Variants in GGTA1 observed in about 807,000 individuals in gnomAD.
GGTA1 encodes the protein glycoprotein alpha-galactosyltransferase 1 (inactive).
A neutral mutation model predicts 2.6 loss-of-function variants in GGTA1; 5 were observed. The observed-to-expected ratio is 1.92, with a 90% CI of 1.00 to 4.04. GGTA1 has a LOEUF of 4.04. Ranked by LOEUF, GGTA1 falls within the 30% of genes most tolerant of loss-of-function variation. GGTA1 has a pLI of 0.00. For synonymous variants in GGTA1, 17 were observed against 5.0 expected (o/e 3.38, Z -3.19); for missense variants, 50 against 16.7 (o/e 2.99, Z -3.47).
At chr9:121,493,971 G>T (rs1828933783) in intron 1 of GGTA1, among the ~76,000 whole-genome samples, 1 of 151,918 alleles carries the variant, frequency 6.6e-6, no homozygotes, top group Non-Finnish European at 1.5e-5. Context: ...TGACTAGGCT[G>T]GTCTCGAACT....
intron 1 of GGTA1, among the ~76,000 whole-genome samples, chr9:121,491,100 C>A (rs1247253000): frequency 6.8e-6 from 1 of 147,326 alleles, no homozygotes; most frequent in African/African-American, 2.7e-5. Flanking sequence ...AATCTATAAG[C>A]AGCCAGAGAT....
chr9:121,477,974 T>C (rs1828551567), intron 1 of GGTA1, among the ~76,000 whole-genome samples: 1 of 151,446 alleles, frequency 6.6e-6, no homozygotes. Flanking sequence ...GGCCAGACCC[T>C]GGGCTAAACC....
At chr9:121,474,785 A>G (rs567486221) in intron 1 of GGTA1, among the ~76,000 whole-genome samples, 1 of 152,262 alleles carries the variant, frequency 6.6e-6, no homozygotes, top group African/African-American at 2.4e-5. Flanking sequence ...CTCAGAGAGC[A>G]GGAATCCGGC....
intron 3 of GGTA1, among the ~76,000 whole-genome samples, chr9:121,461,635 G>A (rs1370592913): frequency 6.6e-6 from 1 of 152,118 alleles, no homozygotes; most frequent in African/African-American, 2.4e-5. Flanking sequence ...CCACTTACTA[G>A]CTGTGTGACT....
chr9:121,473,507 CA>C (rs148084673), intron 1 of GGTA1, among the ~76,000 whole-genome samples: 4 of 151,910 alleles, frequency 2.6e-5, no homozygotes, highest in African/African-American at 9.7e-5. Context: ...TCTCTCTGGA[CA>C]AAAAAATGAG....
At chr9:121,454,298 G>A (rs1415642919), downstream of GGTA1, among the ~76,000 whole-genome samples, 2 of 152,180 alleles carry the variant, frequency 1.3e-5, no homozygotes, top group African/African-American at 4.8e-5. Flanking sequence ...TTTAGTCTCT[G>A]CAACAGCCCT....
At chr9:121,496,757 A>AAAG (rs1554838784) in intron 1 of GGTA1, among the ~76,000 whole-genome samples, 22 of 111,958 alleles carry the variant, frequency 2.0e-4, no homozygotes, top group Non-Finnish European at 3.3e-4. Flanking sequence ...AAAAAAAAAA[A>AAAG]AGAGAGAGAG....
intron 1 of GGTA1, among the ~76,000 whole-genome samples, chr9:121,479,564 C>T (rs1317249824): frequency 6.6e-6 from 1 of 152,108 alleles, no homozygotes; most frequent in Non-Finnish European, 1.5e-5. Flanking sequence ...GGAGGAAAGG[C>T]CACCACCCAC....
At chr9:121,484,000 G>A (rs924516073) in intron 1 of GGTA1, among the ~76,000 whole-genome samples, 8 of 152,174 alleles carry the variant, frequency 5.3e-5, no homozygotes, top group Admixed American at 2.6e-4. Context: ...GTGTAAAGGG[G>A]ATAATCATAA....
exon 8 of GGTA1, chr9:121,447,570 G>A (rs544739977): frequency 6.6e-6 from 1 of 152,594 alleles, no homozygotes; most frequent in Admixed American, 6.5e-5. Flanking sequence ...CAGATGTTAT[G>A]AACTCCTCCA....
intron 1 of GGTA1, among the ~76,000 whole-genome samples, chr9:121,498,815 CG>C (rs1196218152): frequency 6.6e-6 from 1 of 152,134 alleles, no homozygotes; most frequent in Non-Finnish European, 1.5e-5. Flanking sequence ...GCCGCCACAG[CG>C]GGAAGATCGA....
chr9:121,483,880 G>T (rs1358576266), intron 1 of GGTA1, among the ~76,000 whole-genome samples: 1 of 152,184 alleles, frequency 6.6e-6, no homozygotes, highest in Non-Finnish European at 1.5e-5. Context: ...AGACACAAAG[G>T]TTGCAAGTTG....
chr9:121,459,339 C>A (rs1172948865), intron 5 of GGTA1, among the ~76,000 whole-genome samples: 1 of 152,122 alleles, frequency 6.6e-6, no homozygotes, highest in Non-Finnish European at 1.5e-5. Flanking sequence ...CACCAAGCCT[C>A]CTTACTCAGG....
At position 121,476,230 on chromosome 9, in the gene GGTA1, T is replaced by C. The variant is rs868424882; in HGVS notation, c.-9-8299A>G. Among the ~76,000 whole-genome samples the C allele has an allele frequency of 2.0e-5, 3 of 152,162 alleles. No individual in the cohort carries two copies. The highest frequency in any genetic ancestry group is 2.0e-4 in the Admixed American group (3 of 15,274). On this transcript the variant is annotated intron_variant, in intron 1 of 5. Transcript: ENST00000481799. This position sits in a 1 kb window ranked among gnomAD's most constrained non-coding sequence, Gnocchi z 4.6. ...TCCACACGCCAACTGCATGTTGTGA[T>C]AAAGTCAGCTCCATGCCCTGCTCTA...
intron 1 of GGTA1, among the ~76,000 whole-genome samples, chr9:121,496,595 G>A (rs968462559): frequency 6.6e-6 from 1 of 151,416 alleles, no homozygotes; most frequent in Non-Finnish European, 1.5e-5. Context: ...TAGCCAGTGT[G>A]GTGGCAGGTG....
intron 1 of GGTA1, among the ~76,000 whole-genome samples, chr9:121,492,610 A>G (rs1301083585): frequency 2.0e-5 from 3 of 152,012 alleles, no homozygotes; most frequent in Non-Finnish European, 4.4e-5. Flanking sequence ...CATAGCTGGG[A>G]TTACAGGCAT....
downstream of GGTA1, among the ~76,000 whole-genome samples, chr9:121,454,454 C>A (rs2064895132): frequency 6.6e-6 from 1 of 152,230 alleles, no homozygotes. Flanking sequence ...GTGCAAAGGG[C>A]TCACTCACCC....
chr9:121,490,000 T>C (rs1183192168), intron 1 of GGTA1, among the ~76,000 whole-genome samples: 1 of 152,244 alleles, frequency 6.6e-6, no homozygotes, highest in Non-Finnish European at 1.5e-5. Context: ...TTGATTATTT[T>C]TGGTAAATCA....
chr9:121,488,731 A>T (rs557728677), intron 1 of GGTA1, among the ~76,000 whole-genome samples: 29 of 151,406 alleles, frequency 1.9e-4, no homozygotes, highest in Admixed American at 3.3e-4. Flanking sequence ...AAGCAAAAAA[A>T]TTAGCCTCTG....
Sources: allele counts gnomAD v4.1 joint callset (sites outside exome capture counted in the v4.1 genomes callset), GRCh38; gene constraint gnomAD v4.1.1; non-coding constraint Gnocchi (gnomAD v3.1); transcripts MANE v1.5; gene names NCBI Gene and HGNC (gene_info 2026-07-23, HGNC 2026-07-21).